SUSD1: variants seen among roughly 807,000 people sequenced by gnomAD.
SUSD1 encodes the protein sushi domain containing 1.
Under a neutral mutation model 86.9 loss-of-function variants are expected in SUSD1, and 65 were observed. The ratio of observed to expected loss-of-function variants is 0.75; its 90% CI spans 0.61 to 0.92. SUSD1 has a LOEUF of 0.92. Among genes scored for constraint, SUSD1 ranks in the 40% least tolerant of loss-of-function variants. The pLI is 0.00. For missense variants in SUSD1, 850 were observed against 929.7 expected, an observed-to-expected ratio of 0.91 and a Z score of 1.11; for synonymous variants, 346 against 350.0, an observed-to-expected ratio of 0.99 and a Z score of 0.13.
In SUSD1 at chr9:112,149,225, C is replaced by T. The variant is rs758463378; in HGVS notation, c.373+19G>A. On this transcript the variant is annotated intron_variant, in intron 3 of 16. Coordinates refer to ENST00000374270, the MANE Select transcript of SUSD1 (RefSeq NM_022486.5). ...CTGCCATCGCCAATTGTCAACACCG[C>T]AGCCCCCTTCTTGAGTACCTGTACA... 6 of 1,613,296 alleles carry T rather than the reference C, an allele frequency of 3.7e-6. No individual in the cohort carries two copies. Among genetic ancestry groups the T allele is most frequent in the Middle Eastern group, 1.7e-4 (1 of 6,058 alleles).
chr9:112,155,207 C>T (rs1833242109), intron 2 of SUSD1, among the ~76,000 whole-genome samples: 1 of 151,044 alleles, frequency 6.6e-6, no homozygotes, highest in Admixed American at 6.6e-5. Flanking sequence ...GCCAAGATCG[C>T]ACCACCGCAC....
intron 10 of SUSD1, among the ~76,000 whole-genome samples, chr9:112,084,347 T>C (rs1829887670): frequency 6.6e-6 from 1 of 152,138 alleles, no homozygotes. Context: ...CATGAATTGG[T>C]ATGGAAGTAT....
At chr9:112,117,456 T>G (rs1831374452) in intron 6 of SUSD1, among the ~76,000 whole-genome samples, 1 of 152,202 alleles carries the variant, frequency 6.6e-6, no homozygotes, top group Admixed American at 6.5e-5. Flanking sequence ...CTCACTGGAT[T>G]TGGGGAGAGA....
At position 112,157,550 on chromosome 9, in the gene SUSD1, A is replaced by G. The variant is rs373788043; in HGVS notation, c.167T>C (p.Ile56Thr). Residue 56 changes from isoleucine to threonine, a missense_variant, in exon 2 of 17, where the codon ATC (isoleucine) becomes ACC (threonine). Physicochemically the swap from Ile to Thr is moderately conservative, Grantham distance 89 (BLOSUM62 -1). Coordinates refer to ENST00000374270, the MANE Select transcript of SUSD1 (RefSeq NM_022486.5). ...TACAAATCCATAGTTGCAAATACAG[A>G]TCTTCTTCCCTTCTCTTTGCTGGCA... ...ATCQQREGKK[I>T]CICNYGFVGN... The G allele has an allele frequency of 6.2e-7, 1 of 1,614,146 alleles. No homozygotes were observed. Among genetic ancestry groups the G allele is most frequent in the Admixed American group, 1.7e-5 (1 of 60,006 alleles).
rs376978390 is a variant in SUSD1 at position 112,156,359 on chromosome 9, G to A, written c.217+1141C>T. On this transcript the variant is annotated intron_variant, in intron 2 of 16. Coordinates refer to ENST00000374270, the MANE Select transcript of SUSD1 (RefSeq NM_022486.5). ...TACCTGTAATCCCAGCTACTCAAGA[G>A]GCTGAAGTAGGAGAATCACTTGAAC... Among the ~76,000 whole-genome samples, 116 of 151,880 alleles carry A rather than the reference G, an allele frequency of 7.6e-4. 1 individual carries two copies. Among genetic ancestry groups the A allele is most frequent in the African/African-American group, 2.7e-3 (112 of 41,408 alleles).
intron 14 of SUSD1, among the ~76,000 whole-genome samples, chr9:112,055,075 T>C (rs1177898652): frequency 2.0e-5 from 3 of 152,182 alleles, no homozygotes. Flanking sequence ...GATTAGCCCA[T>C]GAAAACATGG....
At chr9:112,093,259 A>G (rs910191998) in intron 10 of SUSD1, among the ~76,000 whole-genome samples, 81 of 152,312 alleles carry the variant, frequency 5.3e-4, no homozygotes, top group Middle Eastern at 3.4e-3. Context: ...GGAGACTGCC[A>G]TTCCTTGAGT....
At chr9:112,170,618 T>C (rs978218092) in intron 1 of SUSD1, among the ~76,000 whole-genome samples, 2 of 151,760 alleles carry the variant, frequency 1.3e-5, no homozygotes, top group Non-Finnish European at 2.9e-5. Flanking sequence ...CCAAAACATC[T>C]TTGATGCCAA....
chr9:112,151,647 ATCCCAGCACT>A (rs1364856160), intron 2 of SUSD1, among the ~76,000 whole-genome samples: 1 of 151,810 alleles, frequency 6.6e-6, no homozygotes, highest in Non-Finnish European at 1.5e-5. Context: ...CACGTCTGTA[ATCCCAGCACT>A]TTGGGAGGCC....
At chr9:112,124,077 C>T (rs1325280216) in intron 6 of SUSD1, among the ~76,000 whole-genome samples, 180 bp downstream of exon 6, 1 of 152,022 alleles carries the variant, frequency 6.6e-6, no homozygotes, top group Non-Finnish European at 1.5e-5. Flanking sequence ...CTTATTTTTC[C>T]AATCCACCTT....
At chr9:112,042,621 G>T (rs761151148) in intron 15 of SUSD1, among the ~76,000 whole-genome samples, 1 of 152,214 alleles carries the variant, frequency 6.6e-6, no homozygotes, top group Non-Finnish European at 1.5e-5. Context: ...CTGACTTAGA[G>T]AATCATGTTC....
intron 1 of SUSD1, among the ~76,000 whole-genome samples, chr9:112,165,407 CTT>C (rs34075174): frequency 1.9e-3 from 228 of 119,430 alleles, no homozygotes; most frequent in African/African-American, 6.7e-3. Context: ...GTCTTTGACA[CTT>C]TTTTTTTTTT....
intron 1 of SUSD1, among the ~76,000 whole-genome samples, chr9:112,174,490 AGAACATTTGCTG>A (rs1834180333): frequency 6.6e-6 from 1 of 152,228 alleles, no homozygotes; most frequent in Non-Finnish European, 1.5e-5. Flanking sequence ...GCTTGGAAAT[AGAACATTTGCTG>A]GTCTAAATCC....
chr9:112,110,056 T>C (rs1482424928), intron 8 of SUSD1, among the ~76,000 whole-genome samples: 1 of 152,016 alleles, frequency 6.6e-6, no homozygotes, highest in Non-Finnish European at 1.5e-5. Context: ...CCCAAAATAA[T>C]AAATGACATC....
At chr9:112,169,360 C>G (rs1283019312) in intron 1 of SUSD1, 1 of 150,764 alleles carries the variant, frequency 6.6e-6, no homozygotes, top group African/African-American at 2.4e-5. Context: ...TCATTCTACT[C>G]TTTCCCCCTT....
At chr9:112,137,331 A>G (rs1259050875) in intron 5 of SUSD1, among the ~76,000 whole-genome samples, 1 of 152,124 alleles carries the variant, frequency 6.6e-6, no homozygotes, top group Non-Finnish European at 1.5e-5. Flanking sequence ...AGAGAAGGAA[A>G]AAAGAAGCGA....
intron 6 of SUSD1, among the ~76,000 whole-genome samples, chr9:112,116,594 C>T (rs1337341034): frequency 2.0e-5 from 3 of 152,120 alleles, no homozygotes; most frequent in Non-Finnish European, 4.4e-5. Context: ...TGGGCTGTGA[C>T]GATGTTATCT....
chr9:112,081,462 G>T (rs1829765655), intron 10 of SUSD1, among the ~76,000 whole-genome samples: 1 of 152,200 alleles, frequency 6.6e-6, no homozygotes, highest in African/African-American at 2.4e-5. Context: ...GGAACAGGAG[G>T]AGTACAGATG....
At chr9:112,137,973 AG>A (rs1832338465) in intron 5 of SUSD1, 1 of 151,812 alleles carries the variant, frequency 6.6e-6, no homozygotes. Flanking sequence ...CTGTAATCCC[AG>A]AACTTTGGGA....
Sources: gnomAD v4.1 joint callset for allele counts (sites outside exome capture counted in the v4.1 genomes callset) on GRCh38, gnomAD v4.1.1 for gene constraint, MANE v1.5 for transcripts, NCBI Gene and HGNC (gene_info 2026-07-23, HGNC 2026-07-21) for gene names.